Variants in GRIK4 observed in about 807,000 individuals in gnomAD.
GRIK4 encodes glutamate receptor ionotropic, kainate 4.
A neutral mutation model predicts 104.9 loss-of-function variants in GRIK4; 40 were observed. That is an observed-to-expected ratio of 0.38 (90% CI 0.30 to 0.50). GRIK4 has a LOEUF of 0.50. GRIK4 is among the 20% of genes least tolerant of loss of function. GRIK4 has a pLI of 0.93. For missense variants in GRIK4, 1,047 were observed against 1,308.1 expected (o/e 0.80, Z 3.08); for synonymous variants, 485 against 524.9 (o/e 0.92, Z 1.04).
intron 9 of GRIK4, among the ~76,000 whole-genome samples, chr11:120,866,695 G>A (rs779130623): frequency 5.9e-5 from 9 of 152,214 alleles, no homozygotes; most frequent in Non-Finnish European, 1.0e-4. Flanking sequence ...AGGGAACCAT[G>A]CGAGGAGCAT....
At chr11:120,954,833 A>T (rs923023921) in intron 15 of GRIK4, among the ~76,000 whole-genome samples, 2 of 2,146 alleles carry the variant, frequency 9.3e-4, no homozygotes, top group Non-Finnish European at 2.3e-3. Flanking sequence ...ACACACACAA[A>T]CAATACTGGA....
intron 11 of GRIK4, among the ~76,000 whole-genome samples, chr11:120,888,978 C>T (rs1955197316): frequency 6.6e-6 from 1 of 152,172 alleles, no homozygotes; most frequent in African/African-American, 2.4e-5. Flanking sequence ...TGATCTCTTA[C>T]CCTTGGCATT....
chr11:120,828,297 C>T (rs919221856), intron 6 of GRIK4, among the ~76,000 whole-genome samples: 3 of 152,296 alleles, frequency 2.0e-5, no homozygotes, highest in East Asian at 1.9e-4. Flanking sequence ...CACATACTTA[C>T]GCATATACGT....
At chr11:120,689,696 C>T (rs1236046415) in intron 3 of GRIK4, among the ~76,000 whole-genome samples, 2 of 152,190 alleles carry the variant, frequency 1.3e-5, no homozygotes, top group East Asian at 1.9e-4. Flanking sequence ...GGAAACTTCC[C>T]TGATCCTCCC....
intron 1 of GRIK4, among the ~76,000 whole-genome samples, chr11:120,525,322 TC>T (rs1438540519): frequency 6.6e-6 from 1 of 152,010 alleles, no homozygotes; most frequent in Non-Finnish European, 1.5e-5. Context: ...TGAAATGGGG[TC>T]CCCTGGCCGC....
intron 1 of GRIK4, among the ~76,000 whole-genome samples, chr11:120,635,919 C>T (rs1369980634): frequency 6.6e-6 from 1 of 152,218 alleles, no homozygotes; most frequent in Non-Finnish European, 1.5e-5. Flanking sequence ...AGTTGCTCCT[C>T]TCAGACCCCC....
At chr11:120,748,206 T>C (rs1410799116) in intron 3 of GRIK4, among the ~76,000 whole-genome samples, 2 of 151,930 alleles carry the variant, frequency 1.3e-5, no homozygotes, top group Non-Finnish European at 2.9e-5. Context: ...TCTCCCTGCG[T>C]CCCTCCTCCT....
At chr11:120,645,951 G>T (rs1057220892) in intron 1 of GRIK4, among the ~76,000 whole-genome samples, 1 of 152,162 alleles carries the variant, frequency 6.6e-6, no homozygotes, top group Non-Finnish European at 1.5e-5. Flanking sequence ...CACCATTAAC[G>T]CTGGGTTAGC....
intron 12 of GRIK4, among the ~76,000 whole-genome samples, chr11:120,901,452 C>T (rs970989821): frequency 5.9e-5 from 9 of 152,176 alleles, no homozygotes; most frequent in Admixed American, 5.2e-4. Context: ...TCAGATGTCA[C>T]GTCTCCCACG....
intron 9 of GRIK4, 50 bp downstream of exon 9, chr11:120,862,170 G>A: frequency 6.5e-7 from 1 of 1,538,646 alleles, no homozygotes; most frequent in Non-Finnish European, 8.9e-7. Context: ...TCTGCACATT[G>A]CCCCTCTGTG....
At chr11:120,925,237 G>A (rs188445856) in intron 13 of GRIK4, among the ~76,000 whole-genome samples, 12 of 152,290 alleles carry the variant, frequency 7.9e-5, no homozygotes, top group East Asian at 1.9e-4. Flanking sequence ...TAACAGGCCC[G>A]TGAATCTCAC....
intron 1 of GRIK4, among the ~76,000 whole-genome samples, chr11:120,595,888 C>T (rs755615044): frequency 2.6e-5 from 4 of 152,214 alleles, no homozygotes; most frequent in Admixed American, 6.5e-5. Context: ...GCTCTGTTGC[C>T]TGGGCTGGAG....
rs73578574 is a variant in GRIK4, at chr11:120,793,041, G to A, written c.83-9652G>A. Among the ~76,000 whole-genome samples the A allele has an allele frequency of 7.5e-3, 1,148 of 152,300 alleles. 10 individuals are homozygous for A. Among genetic ancestry groups the A allele is most frequent in the South Asian group, 0.038 (182 of 4,820 alleles). ...GAAGCCAAGGAGGTTGATTAAATGA[G>A]ATAACATATATGCTCTTCTTAGGAC... On this transcript the variant is annotated intron_variant, in intron 3 of 20. Transcript: ENST00000527524.
intron 1 of GRIK4, among the ~76,000 whole-genome samples, chr11:120,519,408 C>T (rs1057315975): frequency 4.6e-5 from 7 of 152,044 alleles, no homozygotes; most frequent in Admixed American, 1.3e-4. Context: ...AAAGAGAACC[C>T]GCAAAGCCCC....
intron 4 of GRIK4, among the ~76,000 whole-genome samples, chr11:120,813,826 T>C (rs1373436617): frequency 3.9e-5 from 6 of 152,102 alleles, no homozygotes; most frequent in African/African-American, 1.4e-4. Flanking sequence ...CTAATACAAG[T>C]AGGAAGAAAA....
intron 3 of GRIK4, among the ~76,000 whole-genome samples, chr11:120,794,081 G>C (rs1472134758): frequency 1.4e-5 from 2 of 147,524 alleles, no homozygotes; most frequent in African/African-American, 5.1e-5. Context: ...GCAGTGGTTA[G>C]AGGTGAGGGG....
chr11:120,681,147 C>G (rs996667358), intron 3 of GRIK4, among the ~76,000 whole-genome samples: 2 of 152,122 alleles, frequency 1.3e-5, no homozygotes, highest in African/African-American at 2.4e-5. Context: ...GGGCTTTAGC[C>G]AGATGTCAGG....
intron 1 of GRIK4, among the ~76,000 whole-genome samples, chr11:120,517,011 G>T (rs1053750885): frequency 4.7e-5 from 7 of 149,426 alleles, no homozygotes; most frequent in African/African-American, 1.5e-4. Flanking sequence ...GGCATCTCGC[G>T]TGCCTCAGTC....
At chr11:120,813,409 T>G (rs1952868601) in intron 4 of GRIK4, among the ~76,000 whole-genome samples, 1 of 152,144 alleles carries the variant, frequency 6.6e-6, no homozygotes, top group Non-Finnish European at 1.5e-5. Flanking sequence ...AGAGTTAAGT[T>G]GGCTGAGGTC....
Sources: allele counts gnomAD v4.1 joint callset (sites outside exome capture counted in the v4.1 genomes callset), GRCh38; gene constraint gnomAD v4.1.1; transcripts MANE v1.5; gene names NCBI Gene and HGNC (gene_info 2026-07-23, HGNC 2026-07-21).